The following ANK1 variants were observed in gnomAD, a reference collection of about 807,000 sequenced individuals.
ANK1 encodes ankyrin-1.
ANK1 carries 51 observed loss-of-function variants against 210.4 expected under a neutral mutation model. The observed-to-expected ratio is 0.24, with a 90% CI of 0.19 to 0.31. ANK1 has a LOEUF of 0.31. ANK1 is among the 10% of genes least tolerant of loss of function. The pLI is 1.00. For missense variants in ANK1, 2,051 were observed against 2,504.4 expected (o/e 0.82, Z 3.86); for synonymous variants, 967 against 1,025.9 (o/e 0.94, Z 1.10).
intron 1 of ANK1, among the ~76,000 whole-genome samples, chr8:41,860,127 G>C (rs1038138662): frequency 5.9e-5 from 9 of 152,218 alleles, no homozygotes; most frequent in African/African-American, 2.2e-4. Context: ...AACCACTGGG[G>C]TGGGGGCTGG....
chr8:41,657,144 T>A (rs936918782), intron 42 of ANK1, among the ~76,000 whole-genome samples: 1 of 151,904 alleles, frequency 6.6e-6, no homozygotes, highest in African/African-American at 2.4e-5. Flanking sequence ...AGCAGGCCCC[T>A]CTCCACTCTG....
chr8:41,816,300 C>A (rs970895978), intron 1 of ANK1, among the ~76,000 whole-genome samples: 2 of 152,214 alleles, frequency 1.3e-5, no homozygotes, highest in Non-Finnish European at 2.9e-5. Context: ...ATGGACACTG[C>A]AGTTTTACTT....
At chr8:41,720,855 G>A (rs925567675) in intron 9 of ANK1, among the ~76,000 whole-genome samples, 1 of 152,098 alleles carries the variant, frequency 6.6e-6, no homozygotes, top group African/African-American at 2.4e-5. Flanking sequence ...GGGAACCCAG[G>A]GGCCTCCATG....
At chr8:41,852,305 G>A (rs929577335) in intron 1 of ANK1, among the ~76,000 whole-genome samples, 20 of 152,222 alleles carry the variant, frequency 1.3e-4, no homozygotes, top group Admixed American at 1.2e-3. Context: ...GCCCTAAGAC[G>A]TGGCCCCTGC....
At chr8:41,843,490 TC>T (rs1809431605) in intron 1 of ANK1, among the ~76,000 whole-genome samples, 1 of 147,832 alleles carries the variant, frequency 6.8e-6, no homozygotes, top group African/African-American at 2.5e-5. Context: ...GCAGCAATGC[TC>T]TCAGCCCTGG....
chr8:41,705,240 A>T lies in ANK1; in HGVS notation c.2098-768T>A, dbSNP rs542698307. 7.2e-5 allele frequency among the ~76,000 whole-genome samples: 11 copies of T among 152,260 alleles called. No individual in the cohort carries two copies. In the South Asian group the frequency reaches 2.3e-3, roughly 32 times the overall value. On this transcript the variant is annotated intron_variant, in intron 18 of 42. Transcript: ENST00000289734. ...AAGCTGGTGCCAGATTCCAGAGACC[A>T]CCCAAGCACAGATCCTCCCCATAAT...
intron 1 of ANK1, among the ~76,000 whole-genome samples, chr8:41,767,072 C>G (rs1339026067): frequency 6.6e-6 from 1 of 152,132 alleles, no homozygotes; most frequent in Non-Finnish European, 1.5e-5. Context: ...AGGCCGGCCA[C>G]AAGTCCCGCT....
In ANK1 at chr8:41,661,548, C is replaced by G. The variant is rs1380649260; in HGVS notation, c.5561G>C (p.Ser1854Thr). The change falls in exon 42 of 43, where the codon AGT becomes ACT. Residue 1854 changes from serine to threonine, a missense_variant. Physicochemically the swap from Ser to Thr is moderately conservative, Grantham distance 58 (BLOSUM62 1). Coordinates refer to ENST00000289734, the MANE Select transcript of ANK1 (RefSeq NM_000037.4). ...QEHEEVELRGSGLQPDLIEGR... is the reference protein window; with the variant it reads ...QEHEEVELRGTGLQPDLIEGR... ...CTCTATCAGGTCCGGCTGTAGGCCA[C>G]TCCCTCTCAGCTCCACCTGCAGACA... is the stretch of plus-strand genomic sequence containing the variant. 1 of 1,614,052 alleles carries G rather than the reference C, an allele frequency of 6.2e-7. No individual in the cohort carries two copies. The highest frequency in any genetic ancestry group is 1.7e-5 in the Admixed American group (1 of 60,034).
chr8:41,751,932 C>T (rs1837803372), intron 2 of ANK1, among the ~76,000 whole-genome samples: 1 of 152,186 alleles, frequency 6.6e-6, no homozygotes, highest in South Asian at 2.1e-4. Context: ...CCTCCAACCC[C>T]CCTGCCTACC....
intron 1 of ANK1, among the ~76,000 whole-genome samples, chr8:41,857,608 C>T (rs1025935008): frequency 3.3e-5 from 5 of 152,052 alleles, no homozygotes; most frequent in African/African-American, 4.8e-5. Flanking sequence ...CATGGTGGCA[C>T]ATGCCTGTAA....
chr8:41,761,851 C>A (rs867085448), intron 1 of ANK1, among the ~76,000 whole-genome samples: 1 of 152,272 alleles, frequency 6.6e-6, no homozygotes, highest in East Asian at 1.9e-4. Context: ...TCCCTCCACA[C>A]TCAGGTGCTG....
chr8:41,714,342 ATACAGTAAAATC>A, intron 15 of ANK1, 88 bp from the exon 16 acceptor site: 1 of 997,182 alleles, frequency 1.0e-6, no homozygotes, highest in South Asian at 2.1e-5. Context: ...CACCTATTTT[ATACAGTAAAATC>A]CTGTTTAAAA....
chr8:41,885,234 C>G (rs867699885), intron 1 of ANK1, among the ~76,000 whole-genome samples: 4 of 152,088 alleles, frequency 2.6e-5, no homozygotes, highest in African/African-American at 4.8e-5. Context: ...GGTACAGAAT[C>G]ATAAAGTTTT....
At chr8:41,697,660 T>TGAG in intron 24 of ANK1, 1 of 352,338 alleles carries the variant, frequency 2.8e-6, no homozygotes, top group Non-Finnish European at 5.6e-6. Flanking sequence ...TGTCCAGCCC[T>TGAG]CCTGCCTGAG....
At position 41,726,548 on chromosome 8, in the gene ANK1, C is replaced by A. The variant is rs540939452; in HGVS notation, c.427-602G>T. On this transcript the variant is annotated intron_variant, in intron 5 of 42. Coordinates refer to ENST00000289734, the MANE Select transcript of ANK1 (RefSeq NM_000037.4). Reference sequence around the variant, plus strand: ...AAGAATAAGGCACACACCACCACACCCAGCTAATTTTCTTTTTCTGTAGAG... The same window carrying A: ...AAGAATAAGGCACACACCACCACACACAGCTAATTTTCTTTTTCTGTAGAG... Among the ~76,000 whole-genome samples the A allele has an allele frequency of 3.3e-5, 5 of 152,210 alleles. No homozygotes were observed. The East Asian group carries it at 9.7e-4, about 29-fold the overall frequency.
At chr8:41,752,801 C>CCG (rs1554597002) in intron 2 of ANK1, among the ~76,000 whole-genome samples, 1 of 151,606 alleles carries the variant, frequency 6.6e-6, no homozygotes, top group African/African-American at 2.4e-5. Flanking sequence ...CACACAGGCC[C>CCG]CCCCCCACTG....
intron 1 of ANK1, 120 bp from the exon 2 acceptor site, chr8:41,758,257 A>C (rs983141468): frequency 5.5e-5 from 48 of 874,238 alleles, no homozygotes; most frequent in Middle Eastern, 3.3e-4. Flanking sequence ...CCTGGTGCCC[A>C]CAGTGACACC....
intron 22 of ANK1, 109 bp downstream of exon 22, chr8:41,701,441 C>T: frequency 6.3e-6 from 6 of 959,798 alleles, no homozygotes; most frequent in Admixed American, 5.2e-5. Context: ...ATCTATAGTG[C>T]TTGGGCGTGT....
At chr8:41,782,596 C>G (rs1301170401) in intron 1 of ANK1, among the ~76,000 whole-genome samples, 1 of 152,176 alleles carries the variant, frequency 6.6e-6, no homozygotes, top group African/African-American at 2.4e-5. Context: ...ATTCCTGACA[C>G]CCAGAAAGGA....
Sources: gnomAD v4.1 joint callset for allele counts (sites outside exome capture counted in the v4.1 genomes callset) on GRCh38, gnomAD v4.1.1 for gene constraint, MANE v1.5 for transcripts, NCBI Gene and HGNC (gene_info 2026-07-23, HGNC 2026-07-21) for gene names.